The following FBLIM1 variants were observed in gnomAD, a reference collection of about 807,000 sequenced individuals.
FBLIM1 encodes filamin binding LIM protein 1.
A neutral mutation model predicts 37.4 loss-of-function variants in FBLIM1; 29 were observed. That is an observed-to-expected ratio of 0.77 (90% CI 0.58 to 1.06). The LOEUF (loss-of-function observed/expected upper bound fraction) is 1.06. Ranked by LOEUF, FBLIM1 falls within the 50% of genes least tolerant of loss-of-function variation. FBLIM1 has a pLI of 0.00. For missense variants in FBLIM1, 449 were observed against 505.6 expected (o/e 0.89, Z 1.07); for synonymous variants, 193 against 199.0 (o/e 0.97, Z 0.25).
Position 15,762,840 on chromosome 1 carries a change from C to A in FBLIM1, c.-210-1656C>A, listed in dbSNP as rs559220832. On this transcript the variant is annotated intron_variant, in intron 1 of 8. Coordinates refer to ENST00000375766, the MANE Select transcript of FBLIM1 (RefSeq NM_017556.4). ...TCCACCCTTGGCAGCAGGAAACTGC[C>A]CCTGGAGAGGGCCAGGAATCGGGGG... Among the ~76,000 whole-genome samples, 4 of 152,316 alleles carry A rather than the reference C, an allele frequency of 2.6e-5. No individual in the cohort carries two copies. In the East Asian group the frequency reaches 7.7e-4, roughly 29 times the overall value.
chr1:15,766,638 G>A (rs560543764), intron 3 of FBLIM1, among the ~76,000 whole-genome samples: 11 of 148,930 alleles, frequency 7.4e-5, no homozygotes, highest in East Asian at 4.0e-4. Flanking sequence ...TTTGTTGCCC[G>A]GGCTGGAGTG....
intron 6 of FBLIM1, among the ~76,000 whole-genome samples, chr1:15,773,049 G>A (rs1569831574): frequency 1.3e-5 from 2 of 152,046 alleles, no homozygotes; most frequent in Middle Eastern, 6.8e-3. Flanking sequence ...GCCTCCCAAA[G>A]TCCAGGGATT....
intron 3 of FBLIM1, among the ~76,000 whole-genome samples, chr1:15,766,899 T>TC (rs1358906734): frequency 6.6e-6 from 1 of 150,802 alleles, no homozygotes; most frequent in Non-Finnish European, 1.5e-5. Context: ...GGCTTTTTTT[T>TC]TTTTTTTTGA....
intron 8 of FBLIM1, among the ~76,000 whole-genome samples, chr1:15,780,423 C>T (rs1324809392): frequency 6.6e-6 from 1 of 152,206 alleles, no homozygotes; most frequent in African/African-American, 2.4e-5. Flanking sequence ...TGGTGTTGAA[C>T]TCCTGATCTC....
intron 3 of FBLIM1, among the ~76,000 whole-genome samples, chr1:15,766,891 CTTTTT>C (rs36087502): frequency 0.012 from 1,571 of 133,214 alleles, 37 homozygotes; most frequent in African/African-American, 0.042. Flanking sequence ...CTGCACCCGG[CTTTTT>C]TTTTTTTTTT....
intron 6 of FBLIM1, among the ~76,000 whole-genome samples, chr1:15,773,184 G>A (rs1327345674): frequency 6.6e-6 from 1 of 152,074 alleles, no homozygotes; most frequent in Non-Finnish European, 1.5e-5. Flanking sequence ...TTAGGAGTTC[G>A]AGACCAGCCT....
At chr1:15,779,514 G>T (rs2069582466) in intron 8 of FBLIM1, among the ~76,000 whole-genome samples, 1 of 151,666 alleles carries the variant, frequency 6.6e-6, no homozygotes. Flanking sequence ...CGTTGGCCAG[G>T]CTGGTCTTGA....
At chr1:15,778,438 G>C (rs539863881) in intron 8 of FBLIM1, among the ~76,000 whole-genome samples, 25 of 152,134 alleles carry the variant, frequency 1.6e-4, no homozygotes, top group African/African-American at 5.8e-4. Context: ...ATCAGCTTTG[G>C]GATAAAGAAG....
intron 8 of FBLIM1, among the ~76,000 whole-genome samples, chr1:15,778,362 C>T (rs1260764518): frequency 2.0e-5 from 3 of 151,820 alleles, no homozygotes; most frequent in African/African-American, 2.4e-5. Flanking sequence ...CTCACGAGTT[C>T]GAGACCAGCC....
At chr1:15,773,740 AT>A (rs991467382) in intron 6 of FBLIM1, among the ~76,000 whole-genome samples, 5 of 151,784 alleles carry the variant, frequency 3.3e-5, no homozygotes, top group Admixed American at 6.6e-5. Flanking sequence ...CAATAAAACA[AT>A]TTTTTAAAGA....
chr1:15,764,697 C>T lies in FBLIM1; in HGVS notation c.-21+12C>T. On this transcript the variant is annotated intron_variant, in intron 2 of 8. Coordinates refer to ENST00000375766, the MANE Select transcript of FBLIM1 (RefSeq NM_017556.4). ...AAGAGTGATCATTGGTGAGGGCTGCCCTTTGCTCCCCTAGGTGTGCAGGTT... is the reference window on the plus strand; with the variant it reads ...AAGAGTGATCATTGGTGAGGGCTGCTCTTTGCTCCCCTAGGTGTGCAGGTT... 2.1e-6 allele frequency: 1 copy of T among 472,948 alleles called. No homozygotes were observed. The highest frequency in any genetic ancestry group is 3.3e-5 in the South Asian group (1 of 30,152). The allele number at this position is 472,948 out of a possible 1,614,324, so 29.3% of individuals were successfully genotyped here. A position where few individuals can be genotyped will look rare whatever the true frequency, so the allele number is the denominator to read the frequency against.
intron 6 of FBLIM1, among the ~76,000 whole-genome samples, chr1:15,770,980 C>T (rs1051170034): frequency 6.6e-6 from 1 of 152,066 alleles, no homozygotes; most frequent in African/African-American, 2.4e-5. Context: ...CACTCTATCG[C>T]CCAGGCTGGA....
At chr1:15,757,244 A>T (rs2148410163), upstream of FBLIM1, among the ~76,000 whole-genome samples, 1 of 152,292 alleles carries the variant, frequency 6.6e-6, no homozygotes, top group South Asian at 2.1e-4. The surrounding 1 kb of genome is among the most constrained non-coding windows in gnomAD (Gnocchi z 4.1). Context: ...TGGCACTGGT[A>T]CCTGTTCTTG....
At chr1:15,775,356 A>G (rs1557703060) in intron 7 of FBLIM1, 1 of 153,536 alleles carries the variant, frequency 6.5e-6, no homozygotes, top group East Asian at 1.9e-4. Context: ...CCAATACGGT[A>G]AAACCCCATC....
intron 8 of FBLIM1, among the ~76,000 whole-genome samples, chr1:15,780,484 C>T (rs1385656543): frequency 6.6e-6 from 1 of 152,210 alleles, no homozygotes; most frequent in Non-Finnish European, 1.5e-5. Context: ...CGTGAGCCAC[C>T]ACACCCAGTC....
At chr1:15,759,168 C>T (rs2068543867) in intron 1 of FBLIM1, among the ~76,000 whole-genome samples, 1 of 152,158 alleles carries the variant, frequency 6.6e-6, no homozygotes, top group African/African-American at 2.4e-5. Flanking sequence ...GCACAAAAGG[C>T]CGGAGTCCCG....
At chr1:15,774,864 C>A in intron 7 of FBLIM1, 68 bp downstream of exon 7, 2 of 1,613,452 alleles carry the variant, frequency 1.2e-6, no homozygotes, top group Non-Finnish European at 1.7e-6. Flanking sequence ...GGTGAAGGAG[C>A]TGAGCTTGAG....
At position 15,765,082 on chromosome 1, in the gene FBLIM1, A is replaced by C; in HGVS notation, c.99A>C (p.Ala33=). 1 of 1,613,846 alleles carries C rather than the reference A, an allele frequency of 6.2e-7. No individual in the cohort carries two copies. The highest frequency in any genetic ancestry group is 2.2e-5 in the East Asian group (1 of 44,860). ...DVAVAEEVRQ[A]VCEARRGRPW... ...CCGTGGCGGAGGAAGTGAGGCAGGC[A>C]GTTTGTGAGGCCCGGCGTGGCCGCC... Residue 33 remains alanine (A), a synonymous_variant, in exon 3 of 9, where the codon GCA becomes GCC. Coordinates refer to ENST00000375766, the MANE Select transcript of FBLIM1 (RefSeq NM_017556.4). The surrounding 1 kb of genome is among the most constrained non-coding windows in gnomAD (Gnocchi z 5.9).
Position 15,767,583 on chromosome 1 carries a change from C to T in FBLIM1, c.438+20C>T. On this transcript the variant is annotated intron_variant, in intron 4 of 8. Coordinates refer to ENST00000375766, the MANE Select transcript of FBLIM1 (RefSeq NM_017556.4). ...CCACAGGTACTGCCTGCCCCCCGAC[C>T]CCCAGCAATCCCTTGGTCCCCTTGG... 1.1e-6 allele frequency: 1 copy of T among 893,998 alleles called. No individual in the cohort carries two copies. Among genetic ancestry groups the T allele is most frequent in the Non-Finnish European group, 1.6e-6 (1 of 610,490 alleles). 55.4% of individuals were successfully genotyped at this position (893,998 alleles called of 1,614,324 possible). A position where few individuals can be genotyped will look rare whatever the true frequency, so the allele number is the denominator to read the frequency against.
Sources: allele counts gnomAD v4.1 joint callset (sites outside exome capture counted in the v4.1 genomes callset), GRCh38; gene constraint gnomAD v4.1.1; non-coding constraint Gnocchi (gnomAD v3.1); transcripts MANE v1.5; gene names NCBI Gene and HGNC (gene_info 2026-07-23, HGNC 2026-07-21).